The following ATP5PO variants were observed in gnomAD, a reference collection of about 807,000 sequenced individuals.
ATP5PO encodes ATP synthase peripheral stalk subunit OSCP.
ATP5PO carries 14 observed loss-of-function variants against 26.2 expected under a neutral mutation model. The observed-to-expected ratio is 0.53, with a 90% confidence interval of 0.35 to 0.83. The LOEUF (loss-of-function observed/expected upper bound fraction) is 0.83. Ranked by LOEUF, ATP5PO falls within the 40% of genes least tolerant of loss-of-function variation. ATP5PO has a pLI of 0.01. For missense variants in ATP5PO, 241 were observed against 258.5 expected (o/e 0.93, Z 0.46); for synonymous variants, 106 against 95.1 (o/e 1.12, Z -0.67).
At chr21:33,906,599 T>C (rs901336897) in intron 5 of ATP5PO, 3 of 388,784 alleles carry the variant, frequency 7.7e-6, no homozygotes, top group Non-Finnish European at 1.0e-5. Context: ...CAATAAACGG[T>C]AGCCAATTAT....
chr21:33,915,399 A>G, intron 1 of ATP5PO: 1 of 401,040 alleles, frequency 2.5e-6, no homozygotes, highest in Non-Finnish European at 4.5e-6. Context: ...TGGCAAAGGA[A>G]GCTGATTTGG....
rs372616336 is a variant in ATP5PO, at chr21:33,907,357, G to A, written c.425C>T (p.Thr142Ile). 27 of 1,612,650 alleles carry A rather than the reference G, an allele frequency of 1.7e-5. No individual in the cohort carries two copies. The highest frequency in any genetic ancestry group is 2.1e-5 in the Non-Finnish European group (25 of 1,178,812). The change falls in exon 5 of 7, where the codon ACA becomes ATA. Residue 142 changes from threonine to isoleucine, a missense_variant. Coordinates refer to ENST00000290299, the MANE Select transcript of ATP5PO (RefSeq NM_001697.3). Reference protein sequence around the residue: ...MSVHRGEVPCTVTSASPLEEA... With the variant: ...MSVHRGEVPCIVTSASPLEEA... Reference sequence around the variant, plus strand: ...GTTACTTACAGATGCAGAGGTCACTGTGCAAGGTACCTCTCCGCGATGGAC... The same window carrying A: ...GTTACTTACAGATGCAGAGGTCACTATGCAAGGTACCTCTCCGCGATGGAC...
chr21:33,915,465 C>T, intron 1 of ATP5PO: 1 of 525,244 alleles, frequency 1.9e-6, no homozygotes, highest in Non-Finnish European at 3.3e-6. Flanking sequence ...CCCTCTCCTG[C>T]GCCCCTCAGG....
chr21:33,912,396 G>C lies in ATP5PO; in HGVS notation c.91C>G (p.Pro31Ala), dbSNP rs754731791. The change falls in exon 3 of 7, where the codon CCT becomes GCT. Residue 31 changes from proline to alanine, a missense_variant. Physicochemically the swap from Pro to Ala is conservative, Grantham distance 27. This residue lies in a region of ATP5PO where 125 missense variants were observed against 108.5 expected (regional missense o/e 1.15). Coordinates refer to ENST00000290299, the MANE Select transcript of ATP5PO (RefSeq NM_001697.3). ...CCTTCAATACCGTATACCTGAACAG[G>C]AGGCTTTAAAAAAAAGGTGAAATAG... ...VRPFAKLVRP[P>A]VQVYGIEGRY... The C allele has an allele frequency of 6.2e-7, 1 of 1,605,878 alleles. No homozygotes were observed. Among genetic ancestry groups the C allele is most frequent in the East Asian group, 2.2e-5 (1 of 44,778 alleles).
intron 4 of ATP5PO, 51 bp downstream of exon 4, chr21:33,909,031 T>C (rs759446187): frequency 6.5e-7 from 1 of 1,537,562 alleles, no homozygotes; most frequent in South Asian, 1.2e-5. Context: ...ATGGACCACA[T>C]TTCCAGTCAT....
intron 6 of ATP5PO, 139 bp from the exon 7 acceptor site, chr21:33,903,778 C>A: frequency 9.2e-7 from 1 of 1,091,856 alleles, no homozygotes; most frequent in East Asian, 2.6e-5. Flanking sequence ...AGTAAAACTG[C>A]ACAGTCAGAT....
intron 4 of ATP5PO, among the ~76,000 whole-genome samples, chr21:33,908,045 G>A (rs950224122): frequency 3.1e-4 from 46 of 149,750 alleles, no homozygotes; most frequent in African/African-American, 1.1e-3. Context: ...GCGCATGCGC[G>A]CAGTTCCAGC....
chr21:33,909,268 C>G, intron 3 of ATP5PO, 57 bp from the exon 4 acceptor site: 2 of 1,549,112 alleles, frequency 1.3e-6, no homozygotes, highest in Non-Finnish European at 8.8e-7. Flanking sequence ...GAAGGATGTG[C>G]CATGCACACA....
chr21:33,907,231 A>G, intron 5 of ATP5PO, 110 bp downstream of exon 5: 1 of 950,792 alleles, frequency 1.1e-6, no homozygotes, highest in Admixed American at 2.2e-5. Flanking sequence ...CCCAGGTGAC[A>G]AGTTACCTTT....
At chr21:33,908,360 A>G (rs1219885172) in intron 4 of ATP5PO, among the ~76,000 whole-genome samples, 1 of 152,102 alleles carries the variant, frequency 6.6e-6, no homozygotes, top group African/African-American at 2.4e-5. Flanking sequence ...TTCAAAGATG[A>G]TATCATGAAC....
intron 5 of ATP5PO, among the ~76,000 whole-genome samples, chr21:33,905,623 G>A (rs1987159009): frequency 6.6e-6 from 1 of 152,132 alleles, no homozygotes; most frequent in African/African-American, 2.4e-5. Flanking sequence ...AGAAAATCAT[G>A]GCCTTGTGGC....
At chr21:33,908,993 C>G in intron 4 of ATP5PO, 89 bp downstream of exon 4, 1 of 1,396,264 alleles carries the variant, frequency 7.2e-7, no homozygotes, top group South Asian at 1.6e-5. Flanking sequence ...AACAGGCTCC[C>G]AGGTGATGCT....
chr21:33,912,205 C>T (rs1987258116), intron 3 of ATP5PO, 84 bp downstream of exon 3: 1 of 1,144,014 alleles, frequency 8.7e-7, no homozygotes. Context: ...TTGTAGGATA[C>T]ACCTCATTAG....
chr21:33,914,593 AAAAT>A lies in ATP5PO; in HGVS notation c.37-97_37-94del. The A allele has an allele frequency of 1.6e-5, 19 of 1,174,976 alleles. No homozygotes were observed. In the South Asian group the frequency reaches 2.5e-4, roughly 16 times the overall value. The allele number at this position is 1,174,976 out of a possible 1,614,324, so 72.8% of individuals were successfully genotyped here. The stretch of plus-strand genomic sequence containing the variant: ...ACAACAAAAAATTTTAAATAACCTT[AAAAT>A]CATTACTTTTGTCTCTTTGTATATT... On this transcript the variant is annotated intron_variant, in intron 1 of 6. Transcript: ENST00000290299.
chr21:33,905,413 C>T (rs1987157047), intron 5 of ATP5PO, among the ~76,000 whole-genome samples: 1 of 152,104 alleles, frequency 6.6e-6, no homozygotes, highest in Non-Finnish European at 1.5e-5. Context: ...AAGAAACTCA[C>T]CTAAGGCCAC....
intron 4 of ATP5PO, among the ~76,000 whole-genome samples, chr21:33,908,151 G>C (rs1456663590): frequency 9.1e-6 from 1 of 110,328 alleles, no homozygotes; most frequent in East Asian, 2.6e-4. Flanking sequence ...TTGGGTGACA[G>C]AAAGGGACAC....
rs59334506 is a variant in ATP5PO at position 33,905,918 on chromosome 21, G to GAAAAAAAAAAAAAAAAAAAAA, written c.441+1422_441+1423insTTTTTTTTTTTTTTTTTTTTT. 3.8e-4 allele frequency among the ~76,000 whole-genome samples: 37 copies of GAAAAAAAAAAAAAAAAAAAAA among 98,426 alleles called. 1 individual carries two copies. Among genetic ancestry groups the GAAAAAAAAAAAAAAAAAAAAA allele is most frequent in the Non-Finnish European group, 5.0e-4 (26 of 52,232 alleles). The allele number at this position is 98,426 out of a possible 152,430, so 64.6% of individuals were successfully genotyped here. On this transcript the variant is annotated intron_variant, in intron 5 of 6. Transcript: ENST00000290299. Reference sequence around the variant, plus strand: ...CAGAGTGAGACTCAGTCTCAAAAAAGAAAAAAAAAAAAAAAAAAAAGAAAA... The same window carrying GAAAAAAAAAAAAAAAAAAAAA: ...CAGAGTGAGACTCAGTCTCAAAAAAGAAAAAAAAAAAAAAAAAAAAAAAAAAAAAAAAAAAAAAAAAGAAAA...
chr21:33,911,334 C>T (rs962940864), intron 3 of ATP5PO, among the ~76,000 whole-genome samples: 1 of 152,118 alleles, frequency 6.6e-6, no homozygotes, highest in Non-Finnish European at 1.5e-5. Flanking sequence ...CCTGTCAGTC[C>T]TCTACTACTA....
intron 2 of ATP5PO, among the ~76,000 whole-genome samples, chr21:33,913,806 G>A (rs1463274718): frequency 6.6e-6 from 1 of 151,750 alleles, no homozygotes; most frequent in Non-Finnish European, 1.5e-5. Context: ...TCGAGACAGA[G>A]TCTTGGTCTA....
Sources: gnomAD v4.1 joint callset for allele counts (sites outside exome capture counted in the v4.1 genomes callset) on GRCh38, gnomAD v4.1.1 for gene constraint, gnomAD v4.1.1 regional missense constraint, MANE v1.5 for transcripts, NCBI Gene and HGNC (gene_info 2026-07-23, HGNC 2026-07-21) for gene names.